TBC1D9: variants seen among roughly 807,000 people sequenced by gnomAD.
TBC1D9 encodes the protein TBC1 domain family member 9, also known as TBC1 domain family member 9A.
In TBC1D9, 63 loss-of-function variants were observed where a neutral mutation model predicts 132.0. The ratio of observed to expected loss-of-function variants is 0.48; its 90% CI spans 0.39 to 0.59. TBC1D9 has a LOEUF of 0.59. Among genes scored for constraint, TBC1D9 ranks in the 20% least tolerant of loss-of-function variants. TBC1D9 has a pLI of 0.00. For missense variants in TBC1D9, 1,261 were observed against 1,592.7 expected, an observed-to-expected ratio of 0.79 and a Z score of 3.54; for synonymous variants, 610 against 609.9, an observed-to-expected ratio of 1.00 and a Z score of 0.00.
At chr4:140,694,439 C>A (rs754870827) in intron 2 of TBC1D9, among the ~76,000 whole-genome samples, 1 of 151,882 alleles carries the variant, frequency 6.6e-6, no homozygotes, top group Non-Finnish European at 1.5e-5. Flanking sequence ...GGAGTGGTGG[C>A]GTACACCTGT....
intron 1 of TBC1D9, among the ~76,000 whole-genome samples, chr4:140,734,839 G>GT (rs1307089146): frequency 2.0e-5 from 3 of 152,030 alleles, no homozygotes; most frequent in Non-Finnish European, 4.4e-5. Context: ...CCTAATTAAT[G>GT]TTTTTTGCTT....
intron 13 of TBC1D9, among the ~76,000 whole-genome samples, chr4:140,653,631 G>A (rs1737220245): frequency 6.6e-6 from 1 of 152,200 alleles, no homozygotes; most frequent in African/African-American, 2.4e-5. Context: ...ATGGTTAGGA[G>A]GGAAAAAAAC....
In TBC1D9 at chr4:140,677,047, G is replaced by A. The variant is rs1737636205; in HGVS notation, c.906C>T (p.Pro302=). Residue 302 remains proline (P), a synonymous_variant, in exon 6 of 21, where the codon CCC becomes CCT. Transcript: ENST00000442267. The stretch of plus-strand genomic sequence containing the variant: ...TGTGGCCATCTAATTTTTCATCTTT[G>A]GGCAGCCGGAAAAGTGCACGGTATC... ...SERYRALFRL[P]KDEKLDGHTD... The A allele has an allele frequency of 1.2e-6, 2 of 1,613,696 alleles. No individual in the cohort carries two copies. The highest frequency in any genetic ancestry group is 2.2e-5 in the East Asian group (1 of 44,882).
At chr4:140,698,996 C>G (rs1487221456) in intron 2 of TBC1D9, among the ~76,000 whole-genome samples, 1 of 152,156 alleles carries the variant, frequency 6.6e-6, no homozygotes, top group Non-Finnish European at 1.5e-5. Context: ...CTGTACGTTT[C>G]TCAAGAGCAG....
intron 1 of TBC1D9, among the ~76,000 whole-genome samples, chr4:140,709,466 T>C (rs2111046695): frequency 6.6e-6 from 1 of 151,024 alleles, no homozygotes; most frequent in African/African-American, 2.4e-5. Flanking sequence ...TGTTACAGAC[T>C]GACACTTTTG....
At chr4:140,653,536 C>T (rs1235788149) in intron 13 of TBC1D9, among the ~76,000 whole-genome samples, 1 of 151,812 alleles carries the variant, frequency 6.6e-6, no homozygotes, top group Non-Finnish European at 1.5e-5. Flanking sequence ...GGGATGGAGC[C>T]TAGGAGTTTA....
At chr4:140,650,772 T>C (rs980675418) in intron 13 of TBC1D9, among the ~76,000 whole-genome samples, 1 of 152,118 alleles carries the variant, frequency 6.6e-6, no homozygotes, top group Non-Finnish European at 1.5e-5. Context: ...TGACCTCAGG[T>C]GATCCACCCG....
At chr4:140,643,830 G>A (rs1560871217) in intron 13 of TBC1D9, 4 of 723,114 alleles carry the variant, frequency 5.5e-6, no homozygotes, top group South Asian at 3.1e-5. Flanking sequence ...GGCCTCCAAC[G>A]GGCCACCTCT....
chr4:140,653,459 G>A (rs4956471), intron 13 of TBC1D9, among the ~76,000 whole-genome samples: 43,481 of 151,946 alleles, frequency 0.29, 6,339 homozygotes, highest in East Asian at 0.38. Context: ...ATTTGGAATC[G>A]CCAGGGAAAC....
At chr4:140,742,060 C>T (rs1042470503) in intron 1 of TBC1D9, among the ~76,000 whole-genome samples, 3 of 152,174 alleles carry the variant, frequency 2.0e-5, no homozygotes, top group African/African-American at 4.8e-5. Context: ...TCAATGACCC[C>T]GGGCACATGT....
intron 14 of TBC1D9, 49 bp downstream of exon 14, chr4:140,639,281 T>C: frequency 1.3e-6 from 2 of 1,516,894 alleles, no homozygotes; most frequent in South Asian, 1.2e-5. Context: ...AGCAGGAGTG[T>C]GAAGAAGGAA....
chr4:140,749,614 G>A (rs1279657159), intron 1 of TBC1D9, among the ~76,000 whole-genome samples: 1 of 152,136 alleles, frequency 6.6e-6, no homozygotes, highest in African/African-American at 2.4e-5. Context: ...GTTTAGGCCA[G>A]GAGTTTGAGA....
intron 7 of TBC1D9, 79 bp downstream of exon 7, chr4:140,670,641 C>A: frequency 8.1e-7 from 1 of 1,229,352 alleles, no homozygotes; most frequent in East Asian, 2.3e-5. Flanking sequence ...GAAGATCAAA[C>A]AAAATGGGCA....
Position 140,622,714 on chromosome 4 carries a change from C to G in TBC1D9, c.3282G>C (p.Val1094=). 1.9e-6 allele frequency: 3 copies of G among 1,610,370 alleles called. No individual in the cohort carries two copies. Among genetic ancestry groups the G allele is most frequent in the Non-Finnish European group, 2.5e-6 (3 of 1,179,456 alleles). ...GGCCTGGCCCTTTCTTGGGGAAGAG[C>G]ACGCCTGGGATGCCCTGGTGGCAGG... ...GPSCHQGIPG[V]LFPKKGPGQP... Residue 1094 remains valine (V), a synonymous_variant, in exon 21 of 21, where the codon GTG becomes GTC. Coordinates refer to ENST00000442267, the MANE Select transcript of TBC1D9 (RefSeq NM_015130.3).
intron 3 of TBC1D9, among the ~76,000 whole-genome samples, chr4:140,680,693 A>C (rs896561688): frequency 1.2e-4 from 18 of 152,292 alleles, no homozygotes; most frequent in African/African-American, 4.3e-4. Context: ...CTCCCACCGC[A>C]TCACTGTATC....
intron 1 of TBC1D9, among the ~76,000 whole-genome samples, chr4:140,705,346 A>G (rs1194192156): frequency 6.6e-6 from 1 of 152,144 alleles, no homozygotes; most frequent in African/African-American, 2.4e-5. Flanking sequence ...GTTTAAGATT[A>G]CTTGCACATT....
intron 1 of TBC1D9, among the ~76,000 whole-genome samples, chr4:140,728,750 C>T (rs1560898106): frequency 6.6e-6 from 1 of 152,120 alleles, no homozygotes; most frequent in Non-Finnish European, 1.5e-5. Context: ...GCAACCTCTG[C>T]CTCTCGGGTT....
Position 140,684,271 on chromosome 4 carries a change from G to T in TBC1D9, c.360+2073C>A, listed in dbSNP as rs574130275. ...AAAAAAAAAAGTTAAGAAAAGGGAGGTCTGGTAAGAAATACACAAAATGCT... is the reference window on the plus strand; with the variant it reads ...AAAAAAAAAAGTTAAGAAAAGGGAGTTCTGGTAAGAAATACACAAAATGCT... On this transcript the variant is annotated intron_variant, in intron 3 of 20. Transcript: ENST00000442267. Among the ~76,000 whole-genome samples, 4 of 151,568 alleles carry T rather than the reference G, an allele frequency of 2.6e-5. No homozygotes were observed. In the East Asian group the frequency reaches 7.7e-4, roughly 29 times the overall value.
intron 13 of TBC1D9, among the ~76,000 whole-genome samples, chr4:140,652,201 A>G (rs1737197012): frequency 6.6e-6 from 1 of 151,846 alleles, no homozygotes; most frequent in South Asian, 2.1e-4. Context: ...AGATCAAGCC[A>G]CTATACTCCA....
Sources: gnomAD v4.1 joint callset for allele counts (sites outside exome capture counted in the v4.1 genomes callset) on GRCh38, gnomAD v4.1.1 for gene constraint, MANE v1.5 for transcripts, NCBI Gene and HGNC (gene_info 2026-07-23, HGNC 2026-07-21) for gene names.